The following MAS1 variants were observed in gnomAD, a reference collection of about 807,000 sequenced individuals.
MAS1 encodes MAS1 proto-oncogene, G protein-coupled receptor.
For synonymous variants in MAS1, 163 were observed against 164.2 expected (o/e 0.99, Z 0.05); for missense variants, 387 against 409.7 (o/e 0.94, Z 0.48).
rs145130069 is a variant in MAS1, at chr6:159,907,348, C to T, written c.393C>T (p.Cys131=). 3 of 1,614,036 alleles carry T rather than the reference C, an allele frequency of 1.9e-6. No homozygotes were observed. Among genetic ancestry groups the T allele is most frequent in the African/African-American group, 2.7e-5 (2 of 74,890 alleles). Residue 131 remains cysteine (C), a synonymous_variant, in exon 3 of 3, where the codon TGC becomes TGT. Coordinates refer to ENST00000674077, the MANE Select transcript of MAS1 (RefSeq NM_002377.4). ...TGACGGCCATTAGTGTGGAGAGGTGCCTGTCAGTCCTTTACCCCATCTGGT... is the reference window on the plus strand; with the variant it reads ...TGACGGCCATTAGTGTGGAGAGGTGTCTGTCAGTCCTTTACCCCATCTGGT... The part of the protein sequence containing the change: ...YLLTAISVER[C]LSVLYPIWYR...
chr6:159,911,548 C>G lies in MAS1; in HGVS notation c.*3615C>G, dbSNP rs1782965159. On this transcript the variant is annotated 3_prime_UTR_variant, in exon 3 of 3. Transcript: ENST00000674077. Reference sequence around the variant, plus strand: ...AGTACACCGCTGGTCACCCTGTCCCCCTTGCTATGCTATTCCCTTTGCACA... The same window carrying G: ...AGTACACCGCTGGTCACCCTGTCCCGCTTGCTATGCTATTCCCTTTGCACA... 1 of 152,288 alleles carries G rather than the reference C, an allele frequency of 6.6e-6. No homozygotes were observed. 9.4% of individuals were successfully genotyped at this position (152,288 alleles called of 1,614,324 possible).
rs1426421800 is a variant in MAS1, at chr6:159,914,888, G to C, written c.*6955G>C. The stretch of plus-strand genomic sequence containing the variant: ...TGTCACCTTGGAAACCATGGATCTA[G>C]AGACATTCTCTGAGTGACACTATGC... On this transcript the variant is annotated 3_prime_UTR_variant, in exon 3 of 3. Coordinates refer to ENST00000674077, the MANE Select transcript of MAS1 (RefSeq NM_002377.4). The C allele has an allele frequency of 6.6e-6, 1 of 152,246 alleles. No homozygotes were observed. Among genetic ancestry groups the C allele is most frequent in the Non-Finnish European group, 1.5e-5 (1 of 68,064 alleles). The allele number at this position is 152,246 out of a possible 1,614,324, so 9.4% of individuals were successfully genotyped here.
intron 1 of MAS1, among the ~76,000 whole-genome samples, chr6:159,893,577 G>C (rs572250096): frequency 6.6e-6 from 1 of 152,268 alleles, no homozygotes; most frequent in Non-Finnish European, 1.5e-5. Flanking sequence ...TACAAATATG[G>C]AGAGGGAGAA....
At chr6:159,898,399 G>T (rs940140710) in intron 1 of MAS1, among the ~76,000 whole-genome samples, 2 of 152,036 alleles carry the variant, frequency 1.3e-5, no homozygotes, top group African/African-American at 2.4e-5. Flanking sequence ...TTCTCAAACT[G>T]GTTGTGAAGG....
At chr6:159,891,305 C>CTCTT (rs1207852660) in intron 1 of MAS1, among the ~76,000 whole-genome samples, 172 bp downstream of exon 1, 11 of 152,352 alleles carry the variant, frequency 7.2e-5, no homozygotes, top group Non-Finnish European at 1.3e-4. Flanking sequence ...GCAAAAACTT[C>CTCTT]TCTTTCCTCC....
rs191384214 is a variant in MAS1, at chr6:159,906,949, C to T, written c.-7C>T. 1.6e-3 allele frequency: 2,554 copies of T among 1,587,572 alleles called. 6 individuals are homozygous for T. Among genetic ancestry groups the T allele is most frequent in the Non-Finnish European group, 2.1e-3 (2,388 of 1,160,526 alleles). On this transcript the variant is annotated 5_prime_UTR_variant, in exon 3 of 3. Coordinates refer to ENST00000674077, the MANE Select transcript of MAS1 (RefSeq NM_002377.4). ...TTACCTGAAGAGTTCCAACCTGAGG[C>T]CTCCTCATGGATGGGTCAAACGTGA... is the stretch of plus-strand genomic sequence containing the variant.
intron 2 of MAS1, among the ~76,000 whole-genome samples, chr6:159,905,227 A>C (rs576926132): frequency 6.6e-6 from 1 of 152,276 alleles, no homozygotes; most frequent in African/African-American, 2.4e-5. Context: ...GCATGGGCTA[A>C]ATGTGTGGGG....
chr6:159,891,423 T>C, intron 1 of MAS1, among the ~76,000 whole-genome samples: 1 of 152,234 alleles, frequency 6.6e-6, no homozygotes, highest in Non-Finnish European at 1.5e-5. Context: ...TTTTAACTCG[T>C]TGCAGGGGAA....
intron 2 of MAS1, among the ~76,000 whole-genome samples, chr6:159,903,302 C>T (rs1260474149): frequency 4.6e-5 from 7 of 152,090 alleles, no homozygotes; most frequent in Admixed American, 3.3e-4. Flanking sequence ...CACTCTGTGT[C>T]GTACCCGCCT....
chr6:159,904,473 A>G (rs996833899), intron 2 of MAS1, among the ~76,000 whole-genome samples: 2 of 152,140 alleles, frequency 1.3e-5, no homozygotes, highest in Non-Finnish European at 2.9e-5. Context: ...TTTCTACCAC[A>G]ACACGTATCT....
At chr6:159,899,843 C>A (rs1458633756) in intron 2 of MAS1, among the ~76,000 whole-genome samples, 1 of 152,086 alleles carries the variant, frequency 6.6e-6, no homozygotes, top group Non-Finnish European at 1.5e-5. Flanking sequence ...GTCAGGAGTT[C>A]ATGACCAGTC....
chr6:159,910,457 TC>T lies in MAS1; in HGVS notation c.*2528del, dbSNP rs1782952840. Reference sequence around the variant, plus strand: ...ATTGCATGCAGCCTCTTCTGTTCCCTCCCCTGCCCACTGGGGTTTCTCCTCA... The same window carrying T: ...ATTGCATGCAGCCTCTTCTGTTCCCTCCCTGCCCACTGGGGTTTCTCCTCA... On this transcript the variant is annotated 3_prime_UTR_variant, in exon 3 of 3. Coordinates refer to ENST00000674077, the MANE Select transcript of MAS1 (RefSeq NM_002377.4). 1 of 152,224 alleles carries T rather than the reference TC, an allele frequency of 6.6e-6. No homozygotes were observed. The highest frequency in any genetic ancestry group is 1.5e-5 in the Non-Finnish European group (1 of 68,068). 9.4% of individuals were successfully genotyped at this position (152,224 alleles called of 1,614,324 possible). A position where few individuals can be genotyped will look rare whatever the true frequency, so the allele number is the denominator to read the frequency against.
chr6:159,903,731 C>T (rs947278383), intron 2 of MAS1, among the ~76,000 whole-genome samples: 3 of 152,148 alleles, frequency 2.0e-5, no homozygotes, highest in African/African-American at 7.2e-5. Flanking sequence ...TGTGGCAAGG[C>T]TGTGACTCCT....
chr6:159,907,066 G>T lies in MAS1; in HGVS notation c.111G>T (p.Trp37Cys), dbSNP rs1442832403. The T allele has an allele frequency of 6.2e-7, 1 of 1,614,030 alleles. No individual in the cohort carries two copies. Among genetic ancestry groups the T allele is most frequent in the Non-Finnish European group, 8.5e-7 (1 of 1,180,006 alleles). Residue 37 changes from tryptophan (W) to cysteine (C), a missense_variant, in exon 3 of 3, where the codon TGG becomes TGT. Transcript: ENST00000674077. ...ATCGGCAAATCCCCATCGTGCACTGGGTCATTATGAGCATCTCCCCAGTGG... is the reference window on the plus strand; with the variant it reads ...ATCGGCAAATCCCCATCGTGCACTGTGTCATTATGAGCATCTCCCCAGTGG... ...NAHRQIPIVH[W>C]VIMSISPVGF...
chr6:159,907,906 T>C lies in MAS1; in HGVS notation c.951T>C (p.Asn317=). ...MQPRRQKDNC[N]TVTVETVV ...CTCGGCGCCAGAAAGACAATTGTAA[T>C]ACGGTCACAGTTGAGACTGTCGTCT... The change falls in exon 3 of 3, where the codon AAT becomes AAC. Residue 317 remains asparagine (N), a synonymous_variant. Transcript: ENST00000674077. The C allele has an allele frequency of 6.2e-7, 1 of 1,608,072 alleles. No homozygotes were observed. Among genetic ancestry groups the C allele is most frequent in the South Asian group, 1.1e-5 (1 of 90,224 alleles).
upstream of MAS1, among the ~76,000 whole-genome samples, chr6:159,889,387 TG>T (rs1782673062): frequency 6.6e-6 from 1 of 152,212 alleles, no homozygotes; most frequent in African/African-American, 2.4e-5. Context: ...TCATAACATC[TG>T]GGCAGCCCCT....
intron 2 of MAS1, among the ~76,000 whole-genome samples, chr6:159,903,953 C>T (rs1462395439): frequency 6.6e-6 from 1 of 152,198 alleles, no homozygotes; most frequent in Non-Finnish European, 1.5e-5. Flanking sequence ...CCAAGGTCAG[C>T]AATGGCTCCA....
Position 159,911,167 on chromosome 6 carries a change from C to T in MAS1, c.*3234C>T, listed in dbSNP as rs534312291. 4.7e-4 allele frequency: 72 copies of T among 152,224 alleles called. No homozygotes were observed. The highest frequency in any genetic ancestry group is 1.7e-3 in the African/African-American group (72 of 41,512). The allele number at this position is 152,224 out of a possible 1,614,324, so 9.4% of individuals were successfully genotyped here. A position where few individuals can be genotyped will look rare whatever the true frequency, so the allele number is the denominator to read the frequency against. ...CTGGATCCTGATCCATAATCACCTGCTTATTAATGAACCTCAAATAGACAT... is the reference window on the plus strand; with the variant it reads ...CTGGATCCTGATCCATAATCACCTGTTTATTAATGAACCTCAAATAGACAT... On this transcript the variant is annotated 3_prime_UTR_variant, in exon 3 of 3. Coordinates refer to ENST00000674077, the MANE Select transcript of MAS1 (RefSeq NM_002377.4).
chr6:159,893,735 A>G (rs1439418294), intron 1 of MAS1, among the ~76,000 whole-genome samples: 1 of 152,180 alleles, frequency 6.6e-6, no homozygotes, highest in Non-Finnish European at 1.5e-5. Flanking sequence ...AATGTTATCT[A>G]TGTACATATA....
Sources: gnomAD v4.1 joint callset for allele counts (sites outside exome capture counted in the v4.1 genomes callset) on GRCh38, gnomAD v4.1.1 for gene constraint, MANE v1.5 for transcripts, NCBI Gene and HGNC (gene_info 2026-07-23, HGNC 2026-07-21) for gene names.